Variants in NSD3 observed in about 807,000 individuals in gnomAD.
The protein encoded by NSD3 is nuclear receptor binding SET domain protein 3, also known as histone-lysine N-methyltransferase NSD3.
A neutral mutation model predicts 160.8 loss-of-function variants in NSD3; 24 were observed. That is an observed-to-expected ratio of 0.15 (90% CI 0.11 to 0.21). The LOEUF is 0.21. Among genes scored for constraint, NSD3 ranks in the 10% least tolerant of loss-of-function variants. NSD3 has a pLI of 1.00. For missense variants in NSD3, 1,157 were observed against 1,735.9 expected (o/e 0.67, Z 5.93); for synonymous variants, 520 against 600.0 (o/e 0.87, Z 1.95).
intron 12 of NSD3, among the ~76,000 whole-genome samples, chr8:38,307,687 A>G (rs1165642670): frequency 2.0e-5 from 3 of 152,180 alleles, no homozygotes; most frequent in Non-Finnish European, 4.4e-5. Context: ...ACAGATTTGT[A>G]CTAAAACACA....
intron 2 of NSD3, among the ~76,000 whole-genome samples, chr8:38,341,321 C>T (rs1242154587): frequency 2.0e-5 from 3 of 152,188 alleles, no homozygotes; most frequent in Admixed American, 6.5e-5. Context: ...GGGTAAATCA[C>T]GTGGTCAGGA....
chr8:38,376,987 C>T (rs1319342264), intron 1 of NSD3, among the ~76,000 whole-genome samples: 1 of 152,096 alleles, frequency 6.6e-6, no homozygotes, highest in African/African-American at 2.4e-5. Context: ...CAATGAAATA[C>T]TTACAAGACT....
At position 38,317,357 on chromosome 8, in the gene NSD3, G is replaced by A. The variant is rs777563652; in HGVS notation, c.1856-1315C>T. The A allele has an allele frequency of 8.5e-6, 9 of 1,057,232 alleles. No individual in the cohort carries two copies. The highest frequency in any genetic ancestry group is 1.7e-5 in the African/African-American group (1 of 60,518). The allele number at this position is 1,057,232 out of a possible 1,614,324, so 65.5% of individuals were successfully genotyped here. ...CCTTCATTGCTGGTGTATGGACCCAGAACACCATCACAAAATATTTCCTTG... is the reference window on the plus strand; with the variant it reads ...CCTTCATTGCTGGTGTATGGACCCAAAACACCATCACAAAATATTTCCTTG... On this transcript the variant is annotated intron_variant, in intron 9 of 23. Coordinates refer to ENST00000317025, the MANE Select transcript of NSD3 (RefSeq NM_023034.2). This position sits in a 1 kb window ranked among gnomAD's most constrained non-coding sequence, Gnocchi z 5.3.
intron 2 of NSD3, among the ~76,000 whole-genome samples, chr8:38,338,864 G>A (rs949207819): frequency 2.6e-5 from 4 of 151,888 alleles, no homozygotes; most frequent in East Asian, 1.9e-4. Context: ...TTTCTAGGCC[G>A]GGTGCAGTAG....
chr8:38,380,252 A>G (rs542186675), intron 1 of NSD3, among the ~76,000 whole-genome samples: 76 of 152,366 alleles, frequency 5.0e-4, no homozygotes, highest in Admixed American at 1.4e-3. Context: ...CCTATAAGCA[A>G]GAGCTATCAG....
intron 1 of NSD3, among the ~76,000 whole-genome samples, chr8:38,355,608 C>T (rs1318336051): frequency 6.6e-6 from 1 of 152,036 alleles, no homozygotes; most frequent in Non-Finnish European, 1.5e-5. Flanking sequence ...GGCATTTAGG[C>T]CATGAGAAAC....
chr8:38,280,384 C>T (rs769821193), intron 20 of NSD3, among the ~76,000 whole-genome samples: 2 of 152,132 alleles, frequency 1.3e-5, no homozygotes, highest in African/African-American at 2.4e-5. Flanking sequence ...TCATAAAGAA[C>T]GACATTTTAA....
At position 38,295,954 on chromosome 8, in the gene NSD3, T is replaced by C; in HGVS notation, c.2759-2A>G. On this transcript the variant is annotated splice_acceptor_variant, in intron 15 of 23. Coordinates refer to ENST00000317025, the MANE Select transcript of NSD3 (RefSeq NM_023034.2). LOFTEE classifies it high-confidence loss of function. ...ATTCACAGCAGAGCAATCTTCCACC[T>C]TGAAACAAATAAACAGTCTTAATAA... 6.2e-7 allele frequency: 1 copy of C among 1,607,368 alleles called. No homozygotes were observed. Among genetic ancestry groups the C allele is most frequent in the Non-Finnish European group, 8.5e-7 (1 of 1,177,982 alleles).
At chr8:38,377,302 C>A (rs1203865887) in intron 1 of NSD3, among the ~76,000 whole-genome samples, 1 of 152,062 alleles carries the variant, frequency 6.6e-6, no homozygotes, top group Non-Finnish European at 1.5e-5. Flanking sequence ...GATCCTCCTG[C>A]CTCAGCCTCC....
intron 15 of NSD3, 25 bp downstream of exon 15, chr8:38,299,419 C>A: frequency 6.3e-7 from 1 of 1,596,598 alleles, no homozygotes; most frequent in South Asian, 1.1e-5. Context: ...AAAATAAAAG[C>A]AAGAGAAACT....
intron 15 of NSD3, 143 bp downstream of exon 15, chr8:38,299,301 G>A (rs1465710096): frequency 5.1e-6 from 4 of 777,778 alleles, no homozygotes; most frequent in Non-Finnish European, 7.7e-6. Flanking sequence ...GCAGCCATAT[G>A]AAGAAACAGT....
intron 4 of NSD3, among the ~76,000 whole-genome samples, chr8:38,336,735 A>G (rs569173415): frequency 2.7e-4 from 41 of 152,336 alleles, no homozygotes; most frequent in Non-Finnish European, 5.7e-4. Context: ...AAAAAAAGCA[A>G]GTGTAAGCAA....
intron 19 of NSD3, among the ~76,000 whole-genome samples, chr8:38,284,904 G>A (rs1808822993): frequency 6.6e-6 from 1 of 152,138 alleles, no homozygotes; most frequent in South Asian, 2.1e-4. Flanking sequence ...TCAAATATGA[G>A]AGCAAGTCTC....
chr8:38,325,609 C>T (rs1282978958), intron 7 of NSD3, among the ~76,000 whole-genome samples: 2 of 152,224 alleles, frequency 1.3e-5, no homozygotes, highest in African/African-American at 2.4e-5. Context: ...CAATGGCTCA[C>T]GCCTATAATC....
chr8:38,334,112 T>A (rs911513268), intron 4 of NSD3, among the ~76,000 whole-genome samples: 2 of 152,244 alleles, frequency 1.3e-5, no homozygotes, highest in Admixed American at 6.5e-5. Context: ...TTTTAGGCTG[T>A]GTTTTTTTGG....
intron 1 of NSD3, among the ~76,000 whole-genome samples, chr8:38,361,033 AT>A (rs899363881): frequency 1.3e-5 from 2 of 150,548 alleles, no homozygotes; most frequent in Admixed American, 6.6e-5. Context: ...AGGAGAAATA[AT>A]TTTTTTTTTG....
In NSD3 at chr8:38,279,665, G is replaced by C; in HGVS notation, c.3635C>G (p.Ala1212Gly). The part of the protein sequence containing the change: ...LTVTKDRIID[A>G]GPKGNYSRFM... ...GCGAGAATAATTTCCTTTTGGGCCGGCATCAATTATACGGTCCTTCAGAAA... is the reference window on the plus strand; with the variant it reads ...GCGAGAATAATTTCCTTTTGGGCCGCCATCAATTATACGGTCCTTCAGAAA... The change falls in exon 21 of 24, where the codon GCC (alanine) becomes GGC (glycine). Residue 1212 changes from alanine (A) to glycine (G), a missense_variant. By Grantham distance (60) the Ala-to-Gly change is moderately conservative. Transcript: ENST00000317025. 6.2e-7 allele frequency: 1 copy of C among 1,613,532 alleles called. No individual in the cohort carries two copies. The highest frequency in any genetic ancestry group is 8.5e-7 in the Non-Finnish European group (1 of 1,179,598).
In NSD3 at chr8:38,317,651, T is replaced by C. The variant is rs1809701493; in HGVS notation, c.1855+1244A>G. On this transcript the variant is annotated intron_variant, in intron 9 of 23. Coordinates refer to ENST00000317025, the MANE Select transcript of NSD3 (RefSeq NM_023034.2). This position sits in a 1 kb window ranked among gnomAD's most constrained non-coding sequence, Gnocchi z 5.3. Reference sequence around the variant, plus strand: ...GCAGATGTGCATTAATGATGCTTTATTTAAAAACAAAAAACCAAAAACAGT... The same window carrying C: ...GCAGATGTGCATTAATGATGCTTTACTTAAAAACAAAAAACCAAAAACAGT... 2.5e-6 allele frequency: 3 copies of C among 1,204,658 alleles called. No homozygotes were observed. The highest frequency in any genetic ancestry group is 3.1e-6 in the Non-Finnish European group (3 of 963,742). 74.6% of individuals were successfully genotyped at this position (1,204,658 alleles called of 1,614,324 possible).
intron 12 of NSD3, among the ~76,000 whole-genome samples, chr8:38,306,975 T>C (rs947702605): frequency 4.6e-5 from 7 of 150,990 alleles, no homozygotes; most frequent in Admixed American, 6.6e-5. Flanking sequence ...ATTAGCCGGG[T>C]GTGGTGGCGG....
Sources: gnomAD v4.1 joint callset for allele counts (sites outside exome capture counted in the v4.1 genomes callset) on GRCh38, gnomAD v4.1.1 for gene constraint, Gnocchi (gnomAD v3.1) non-coding constraint, MANE v1.5 for transcripts, NCBI Gene and HGNC (gene_info 2026-07-23, HGNC 2026-07-21) for gene names.